The following KIF7 variants were observed in gnomAD, a reference collection of about 807,000 sequenced individuals.
KIF7 encodes kinesin family member 7.
In KIF7, 104 loss-of-function variants were observed where a neutral mutation model predicts 135.7. The ratio of observed to expected loss-of-function variants is 0.77; its 90% CI spans 0.65 to 0.90. KIF7 has a LOEUF of 0.90. Among genes scored for constraint, KIF7 ranks in the 40% least tolerant of loss-of-function variants. KIF7 has a pLI of 0.00. For missense variants in KIF7, 2,005 were observed against 1,839.1 expected, an observed-to-expected ratio of 1.09 and a Z score of -1.65; for synonymous variants, 883 against 809.4, an observed-to-expected ratio of 1.09 and a Z score of -1.54.
At chr15:89,638,553 A>ATTGCT (rs1415673815) in intron 11 of KIF7, among the ~76,000 whole-genome samples, 4,190 of 151,926 alleles carry the variant, frequency 0.028, 187 homozygotes, top group African/African-American at 0.096. Flanking sequence ...AATTGCTTCA[A>ATTGCT]AGAGAATAAA....
chr15:89,648,644 G>A lies in KIF7; in HGVS notation c.1054C>T (p.Arg352Cys), dbSNP rs1209902228. The change falls in exon 5 of 19, where the codon CGC (arginine) becomes TGC (cysteine). Residue 352 changes from arginine (R) to cysteine (C), a missense_variant. Arg to Cys is a radical substitution (Grantham distance 180). Transcript: ENST00000394412. Reference sequence around the variant, plus strand: ...TCGGGCCGCCAGTTGACCGTGGCGCGGTTGCGGATGTTCTGGGCGCGGCTG... The same window carrying A: ...TCGGGCCGCCAGTTGACCGTGGCGCAGTTGCGGATGTTCTGGGCGCGGCTG... ...YASRAQNIRNRATVNWRPEAE... is the reference protein window; with the variant it reads ...YASRAQNIRNCATVNWRPEAE... 2.0e-6 allele frequency: 3 copies of A among 1,535,714 alleles called. No homozygotes were observed. Among genetic ancestry groups the A allele is most frequent in the Non-Finnish European group, 2.6e-6 (3 of 1,146,234 alleles).
downstream of KIF7, chr15:89,625,973 CCT>C (rs1193324541): frequency 3.1e-6 from 5 of 1,602,850 alleles, no homozygotes; most frequent in Non-Finnish European, 4.3e-6. Context: ...TGCGGAGCTG[CCT>C]CTCTGCCAGT....
chr15:89,622,702 C>T (rs1382389235), intron 1 of KIF7, among the ~76,000 whole-genome samples: 2 of 152,190 alleles, frequency 1.3e-5, no homozygotes, highest in Non-Finnish European at 2.9e-5. Flanking sequence ...CACCCCTCCC[C>T]GCTCCACCTC....
chr15:89,650,080 G>C, intron 2 of KIF7, 139 bp from the exon 3 acceptor site: 1 of 865,110 alleles, frequency 1.2e-6, no homozygotes, highest in Non-Finnish European at 1.8e-6. Flanking sequence ...GGCCAGGATG[G>C]GACAGGTGGC....
chr15:89,661,616 AGAT>A, the KIF7 span, among the ~76,000 whole-genome samples: 2 of 152,210 alleles, frequency 1.3e-5, no homozygotes, highest in Non-Finnish European at 2.9e-5. Flanking sequence ...AGGAACCTCT[AGAT>A]GACCGCACTA....
rs142246932 is a variant in KIF7 at position 89,628,545 on chromosome 15, C to T, written c.3906G>A (p.Leu1302=). 534 of 1,613,198 alleles carry T rather than the reference C, an allele frequency of 3.3e-4. No individual in the cohort carries two copies. Among genetic ancestry groups the T allele is most frequent in the Non-Finnish European group, 4.0e-4 (469 of 1,179,976 alleles). Residue 1302 remains leucine, a synonymous_variant, in exon 19 of 19, where the codon CTG becomes CTA. Transcript: ENST00000394412. ...CACCCACAGGAAGCACCCGCCCCACCAGGGGCTCAGCCGCCTCCCGCTGCC... is the reference window on the plus strand; with the variant it reads ...CACCCACAGGAAGCACCCGCCCCACTAGGGGCTCAGCCGCCTCCCGCTGCC... ...ELRQREAAEP[L]VGRVLPVGEA...
At chr15:89,626,099 C>T (rs763510704), downstream of KIF7, 15 of 1,603,760 alleles carry the variant, frequency 9.4e-6, no homozygotes, top group East Asian at 2.0e-4. Flanking sequence ...TTTCCTGTGA[C>T]AGACTGTCTG....
At chr15:89,629,314 A>T in intron 17 of KIF7, 61 bp downstream of exon 17, 1 of 684,032 alleles carries the variant, frequency 1.5e-6, no homozygotes, top group Non-Finnish European at 1.7e-6. Flanking sequence ...CAGGGCGGGG[A>T]AGATGGGGGT....
intron 10 of KIF7, among the ~76,000 whole-genome samples, chr15:89,644,666 C>T (rs571309514): frequency 2.4e-4 from 37 of 152,104 alleles, no homozygotes; most frequent in African/African-American, 7.0e-4. Context: ...GCCTGGGTGA[C>T]GAGTGAAACT....
At chr15:89,617,836 C>G (rs111677987) in intron 2 of KIF7, among the ~76,000 whole-genome samples, 1 of 152,064 alleles carries the variant, frequency 6.6e-6, no homozygotes. Context: ...GGACTACAGG[C>G]GCATGCCACC....
chr15:89,648,175 T>C, intron 5 of KIF7, 80 bp downstream of exon 5: 1 of 1,375,652 alleles, frequency 7.3e-7, no homozygotes, highest in South Asian at 1.6e-5. Context: ...GGGGCGCAGC[T>C]GCTGTCTGAA....
intron 7 of KIF7, 62 bp downstream of exon 7, chr15:89,646,768 C>T (rs1964020084): frequency 6.6e-7 from 1 of 1,510,570 alleles, no homozygotes; most frequent in South Asian, 1.1e-5. Flanking sequence ...GCCCCCTTCC[C>T]CTGCCCCGAA....
intron 11 of KIF7, among the ~76,000 whole-genome samples, chr15:89,640,316 A>G (rs2142013734): frequency 6.6e-6 from 1 of 152,150 alleles, no homozygotes; most frequent in African/African-American, 2.4e-5. Context: ...AAATAATAAT[A>G]ATAATAACAG....
rs1279351236 is a variant in KIF7 at position 89,642,230 on chromosome 15, C to T, written c.2367G>A (p.Arg789=). The part of the protein sequence containing the change: ...ERSRLQEFRR[R]VAAAQSQVQV... ...GCACCTGGCTCTGGGCCGCAGCGACCCTCCTGCGGAACTCCTGGAGCCGAG... is the reference window on the plus strand; with the variant it reads ...GCACCTGGCTCTGGGCCGCAGCGACTCTCCTGCGGAACTCCTGGAGCCGAG... Residue 789 remains arginine, a synonymous_variant, in exon 11 of 19, where the codon AGG becomes AGA. Coordinates refer to ENST00000394412, the MANE Select transcript of KIF7 (RefSeq NM_198525.3). The T allele has an allele frequency of 6.2e-7, 1 of 1,610,582 alleles. No homozygotes were observed. Among genetic ancestry groups the T allele is most frequent in the South Asian group, 1.1e-5 (1 of 91,012 alleles).
At chr15:89,630,025 C>T (rs1443904116) in intron 16 of KIF7, 1 of 563,466 alleles carries the variant, frequency 1.8e-6, no homozygotes, top group Non-Finnish European at 3.2e-6. Context: ...GCAAAAACTT[C>T]CCCTACTGAG....
chr15:89,623,182 C>CA (rs1476893281), downstream of KIF7, among the ~76,000 whole-genome samples: 2 of 152,186 alleles, frequency 1.3e-5, no homozygotes, highest in Admixed American at 6.5e-5. Context: ...CCCCAACACA[C>CA]AGTGCCTGGC....
downstream of KIF7, chr15:89,625,201 C>T: frequency 6.2e-7 from 1 of 1,613,778 alleles, no homozygotes; most frequent in Non-Finnish European, 8.5e-7. Context: ...CCGCCTCTCC[C>T]ACAGCACACC....
In KIF7 at chr15:89,633,006, A is replaced by AGGGAGGGAG. The variant is rs749507504; in HGVS notation, c.2719-11_2719-10insCTCCCTCCC. The AGGGAGGGAG allele has an allele frequency of 1.1e-4, 39 of 339,390 alleles. No homozygotes were observed. The highest frequency in any genetic ancestry group is 1.9e-4 in the Non-Finnish European group (35 of 186,258). 21.0% of individuals were successfully genotyped at this position (339,390 alleles called of 1,614,324 possible). ...TCTGCTCCTCAATCTTCTAAGGAAA[A>AGGGAGGGAG]GTAGGGAGGGAGGGAGGGAACTCAG... On this transcript the variant is annotated splice_polypyrimidine_tract_variant and intron_variant, in intron 13 of 18. Transcript: ENST00000394412.
downstream of KIF7, among the ~76,000 whole-genome samples, chr15:89,623,017 G>A (rs1218498947): frequency 6.6e-6 from 1 of 152,262 alleles, no homozygotes; most frequent in African/African-American, 2.4e-5. Flanking sequence ...ACGGGATGAA[G>A]GAAGGCTGTA....
Sources: gnomAD v4.1 joint callset for allele counts (sites outside exome capture counted in the v4.1 genomes callset) on GRCh38, gnomAD v4.1.1 for gene constraint, MANE v1.5 for transcripts, NCBI Gene and HGNC (gene_info 2026-07-23, HGNC 2026-07-21) for gene names.